Variants in MAGI2 observed in about 807,000 individuals in gnomAD.
The protein encoded by MAGI2 is membrane-associated guanylate kinase, WW and PDZ domain-containing protein 2.
In MAGI2, 35 loss-of-function variants were observed where a neutral mutation model predicts 133.3. The observed-to-expected ratio is 0.26, with a 90% CI of 0.20 to 0.35. The LOEUF (loss-of-function observed/expected upper bound fraction) is 0.35, where lower values mean the gene tolerates loss of function less well. MAGI2 is among the 10% of genes least tolerant of loss of function. The pLI is 1.00. For synonymous variants in MAGI2, 729 were observed against 710.6 expected (o/e 1.03, Z -0.41); for missense variants, 1,636 against 1,863.4 (o/e 0.88, Z 2.25).
intron 13 of MAGI2, among the ~76,000 whole-genome samples, chr7:78,179,634 A>AC (rs1826996740): frequency 6.6e-6 from 1 of 152,238 alleles, no homozygotes; most frequent in Non-Finnish European, 1.5e-5. Flanking sequence ...TTTTATGACC[A>AC]AATGCACACA....
chr7:78,230,501 T>A (rs1789855535), intron 10 of MAGI2, among the ~76,000 whole-genome samples: 1 of 152,202 alleles, frequency 6.6e-6, no homozygotes, highest in Non-Finnish European at 1.5e-5. Context: ...AGAGAATAAC[T>A]TTCGTCTTAC....
At chr7:78,736,684 G>A (rs1821880660) in intron 2 of MAGI2, among the ~76,000 whole-genome samples, 1 of 152,068 alleles carries the variant, frequency 6.6e-6, no homozygotes, top group South Asian at 2.1e-4. Flanking sequence ...TGGTACAGAA[G>A]CAGTGGCAAG....
intron 1 of MAGI2, among the ~76,000 whole-genome samples, chr7:79,251,753 G>A (rs1044653333): frequency 6.6e-6 from 1 of 152,106 alleles, no homozygotes; most frequent in African/African-American, 2.4e-5. Flanking sequence ...CAAAGGAAAG[G>A]AAATCAGTAT....
chr7:79,099,539 G>C (rs1375775660), intron 1 of MAGI2, among the ~76,000 whole-genome samples: 1 of 152,010 alleles, frequency 6.6e-6, no homozygotes, highest in Non-Finnish European at 1.5e-5. Context: ...TAAATTGCTT[G>C]TCATAAGGGA....
rs1197047028 is a variant in MAGI2 at position 78,309,570 on chromosome 7, C to A, written c.1408+34208G>T. Among the ~76,000 whole-genome samples the A allele has an allele frequency of 4.1e-5, 6 of 145,534 alleles. No individual in the cohort carries two copies. In the Admixed American group the frequency reaches 4.2e-4, roughly 10 times the overall value. On this transcript the variant is annotated intron_variant, in intron 9 of 21. Coordinates refer to ENST00000354212, the MANE Select transcript of MAGI2 (RefSeq NM_012301.4). ...GGACTGAAAACTAGCATAGTGGGTA[C>A]TATGCTCACTACTTGGGTGAAGGAA...
At chr7:78,670,686 A>G (rs1289778442) in intron 2 of MAGI2, among the ~76,000 whole-genome samples, 1 of 152,218 alleles carries the variant, frequency 6.6e-6, no homozygotes, top group Non-Finnish European at 1.5e-5. Flanking sequence ...ACAAGGCTAG[A>G]GTAACCAAAA....
intron 6 of MAGI2, among the ~76,000 whole-genome samples, chr7:78,481,348 A>G (rs1224383574): frequency 6.6e-6 from 1 of 151,912 alleles, no homozygotes; most frequent in Non-Finnish European, 1.5e-5. Flanking sequence ...ACTACCATTT[A>G]TAAAACCATT....
chr7:79,110,437 G>A (rs1055212437), intron 1 of MAGI2, among the ~76,000 whole-genome samples: 5 of 152,184 alleles, frequency 3.3e-5, no homozygotes, highest in African/African-American at 7.2e-5. Context: ...AAGATTTAAT[G>A]ACTGCCTTGA....
At chr7:78,776,288 T>C (rs1011633194) in intron 2 of MAGI2, among the ~76,000 whole-genome samples, 2 of 152,238 alleles carry the variant, frequency 1.3e-5, no homozygotes, top group African/African-American at 2.4e-5. Flanking sequence ...AGGTAGTTTA[T>C]GTAGCTTTCA....
chr7:78,859,365 C>G (rs977169142), intron 2 of MAGI2, among the ~76,000 whole-genome samples: 1 of 152,076 alleles, frequency 6.6e-6, no homozygotes, highest in South Asian at 2.1e-4. Flanking sequence ...CATGTTGTTG[C>G]AGTGGCTGGT....
chr7:78,382,687 G>C (rs62461545), intron 6 of MAGI2, among the ~76,000 whole-genome samples: 1 of 151,674 alleles, frequency 6.6e-6, no homozygotes, highest in East Asian at 1.9e-4. Context: ...GTACTCTATC[G>C]AACACTGAAT....
At chr7:79,338,536 A>G (rs190886601) in intron 1 of MAGI2, among the ~76,000 whole-genome samples, 1 of 152,258 alleles carries the variant, frequency 6.6e-6, no homozygotes, top group Admixed American at 6.5e-5. Flanking sequence ...TTTTAAAACC[A>G]GGGTCTTTAA....
intron 1 of MAGI2, among the ~76,000 whole-genome samples, chr7:79,099,337 G>C (rs1817769989): frequency 6.6e-6 from 1 of 151,694 alleles, no homozygotes; most frequent in Non-Finnish European, 1.5e-5. Flanking sequence ...AAACACCAAA[G>C]GGAAATTATT....
At chr7:78,581,613 G>A (rs1034418871) in intron 3 of MAGI2, among the ~76,000 whole-genome samples, 1 of 152,124 alleles carries the variant, frequency 6.6e-6, no homozygotes, top group Admixed American at 6.5e-5. Context: ...ACATGATTAG[G>A]TAAGTAGGGG....
At chr7:78,726,552 G>A (rs1325241852) in intron 2 of MAGI2, among the ~76,000 whole-genome samples, 3 of 152,158 alleles carry the variant, frequency 2.0e-5, no homozygotes, top group South Asian at 2.1e-4. Context: ...ACTGAAGTTA[G>A]ATAAAAGATA....
At chr7:79,172,425 G>T (rs1452341707) in intron 1 of MAGI2, among the ~76,000 whole-genome samples, 2 of 151,928 alleles carry the variant, frequency 1.3e-5, no homozygotes, top group Non-Finnish European at 2.9e-5. Context: ...AAAAGATTAG[G>T]TTATTGGGAG....
At chr7:78,590,284 A>T (rs1803863953) in intron 3 of MAGI2, among the ~76,000 whole-genome samples, 1 of 152,140 alleles carries the variant, frequency 6.6e-6, no homozygotes, top group Non-Finnish European at 1.5e-5. Context: ...TCTCCATGCT[A>T]GGAGATTGGC....
At chr7:79,441,008 C>T (rs1255349814) in intron 1 of MAGI2, among the ~76,000 whole-genome samples, 1 of 152,192 alleles carries the variant, frequency 6.6e-6, no homozygotes, top group Admixed American at 6.5e-5. Flanking sequence ...AGAACTAAGA[C>T]ATTTCTCAGA....
At chr7:78,173,364 C>T (rs950339688) in intron 14 of MAGI2, among the ~76,000 whole-genome samples, 1 of 152,192 alleles carries the variant, frequency 6.6e-6, no homozygotes, top group African/African-American at 2.4e-5. Flanking sequence ...TTGAGCCAGC[C>T]AAGACTATTC....
Sources: allele counts gnomAD v4.1 joint callset (sites outside exome capture counted in the v4.1 genomes callset), GRCh38; gene constraint gnomAD v4.1.1; transcripts MANE v1.5; gene names NCBI Gene and HGNC (gene_info 2026-07-23, HGNC 2026-07-21).